The following KIF26B variants were observed in gnomAD, a reference collection of about 807,000 sequenced individuals.
The protein encoded by KIF26B is kinesin family member 26B, also known as kinesin-like protein KIF26B.
Under a neutral mutation model 151.2 loss-of-function variants are expected in KIF26B, and 63 were observed. The ratio of observed to expected loss-of-function variants is 0.42; its 90% CI spans 0.34 to 0.51. KIF26B has a LOEUF of 0.51. KIF26B is among the 20% of genes least tolerant of loss of function. KIF26B has a pLI of 0.07. For missense variants in KIF26B, 2,813 were observed against 2,913.6 expected (o/e 0.97, Z 0.79); for synonymous variants, 1,357 against 1,262.1 (o/e 1.08, Z -1.59).
chr1:245,253,812 T>G (rs1670484980), intron 2 of KIF26B, among the ~76,000 whole-genome samples: 1 of 138,282 alleles, frequency 7.2e-6, no homozygotes, highest in African/African-American at 2.7e-5. Context: ...TTTTTTTTTT[T>G]TTTTTTTTTT....
chr1:245,565,015 C>T (rs985934403), intron 5 of KIF26B, among the ~76,000 whole-genome samples: 3 of 152,128 alleles, frequency 2.0e-5, no homozygotes, highest in Admixed American at 2.0e-4. Context: ...GGGAGCCCTG[C>T]TCTGTTACAG....
At chr1:245,326,545 T>A (rs1295363460) in intron 2 of KIF26B, among the ~76,000 whole-genome samples, 1 of 152,194 alleles carries the variant, frequency 6.6e-6, no homozygotes, top group Non-Finnish European at 1.5e-5. Flanking sequence ...TCCATTTCTG[T>A]GGCCTCATCA....
chr1:245,696,274 G>T (rs551395395), intron 12 of KIF26B, among the ~76,000 whole-genome samples: 1 of 152,222 alleles, frequency 6.6e-6, no homozygotes, highest in Admixed American at 6.5e-5. Context: ...GATGCCAGCT[G>T]CCATGTCATA....
Position 245,498,078 on chromosome 1 carries a change from T to C in KIF26B, c.1167-42689T>C, listed in dbSNP as rs552604002. Among the ~76,000 whole-genome samples, 4 of 152,366 alleles carry C rather than the reference T, an allele frequency of 2.6e-5. No homozygotes were observed. In the East Asian group the frequency reaches 7.7e-4, roughly 29 times the overall value. ...GTAACTTGCAGTTGATTTTTCAACA[T>C]TCAAACATCATTTATTATTATCCAT... On this transcript the variant is annotated intron_variant, in intron 4 of 14. Transcript: ENST00000407071.
chr1:245,394,688 C>CTTTT (rs900497785), intron 3 of KIF26B, among the ~76,000 whole-genome samples: 51 of 123,136 alleles, frequency 4.1e-4, no homozygotes, highest in East Asian at 6.9e-4. Flanking sequence ...TTTTTTCTTT[C>CTTTT]TTTTTTTTTT....
At chr1:245,234,953 C>T (rs2103557061) in intron 2 of KIF26B, among the ~76,000 whole-genome samples, 1 of 152,256 alleles carries the variant, frequency 6.6e-6, no homozygotes, top group South Asian at 2.1e-4. Context: ...CTCCTGGCCT[C>T]CTGCCCCTGT....
At chr1:245,394,822 C>G (rs529415850) in intron 3 of KIF26B, among the ~76,000 whole-genome samples, 2 of 151,656 alleles carry the variant, frequency 1.3e-5, no homozygotes, top group Admixed American at 1.3e-4. Context: ...TCCCGAGTAG[C>G]TGATATTACA....
chr1:245,349,042 C>T (rs1254463088), intron 2 of KIF26B, among the ~76,000 whole-genome samples: 1 of 152,170 alleles, frequency 6.6e-6, no homozygotes, highest in Non-Finnish European at 1.5e-5. Flanking sequence ...CCTGTGTGTG[C>T]TTGTTTACTG....
chr1:245,565,040 T>C (rs1293808618), intron 5 of KIF26B, among the ~76,000 whole-genome samples: 2 of 152,116 alleles, frequency 1.3e-5, no homozygotes, highest in African/African-American at 2.4e-5. Context: ...CAAAATTTGT[T>C]ACGTAGGGAT....
intron 5 of KIF26B, among the ~76,000 whole-genome samples, chr1:245,574,867 T>G (rs2043102113): frequency 8.0e-6 from 1 of 124,610 alleles, no homozygotes; most frequent in South Asian, 2.9e-4. Context: ...TTTTTTTCTT[T>G]TTTTTTTTTT....
chr1:245,381,392 C>T (rs1334879358), intron 3 of KIF26B, among the ~76,000 whole-genome samples: 1 of 152,192 alleles, frequency 6.6e-6, no homozygotes, highest in Non-Finnish European at 1.5e-5. Context: ...GCTTGTCCAA[C>T]CCGCAGCCTG....
chr1:245,232,627 C>T (rs1354248907), intron 2 of KIF26B, among the ~76,000 whole-genome samples: 11 of 151,666 alleles, frequency 7.3e-5, no homozygotes, highest in Non-Finnish European at 1.0e-4. Context: ...CTCAGCTCAC[C>T]GCAACCTCTG....
chr1:245,345,378 CTG>C (rs1338801820), intron 2 of KIF26B, among the ~76,000 whole-genome samples: 1 of 152,202 alleles, frequency 6.6e-6, no homozygotes, highest in African/African-American at 2.4e-5. Context: ...CCTTGCGTCT[CTG>C]TTTATGCCTC....
rs150214624 is a variant in KIF26B, at chr1:245,167,085, G to A, written c.465+10402G>A. The stretch of plus-strand genomic sequence containing the variant: ...ATTGGAGTTTACGTTCAATACTGTT[G>A]CCAACCACAAAAAGTTATTGGAACA... On this transcript the variant is annotated intron_variant, in intron 2 of 14. Transcript: ENST00000407071. This position sits in a 1 kb window ranked among gnomAD's most constrained non-coding sequence, Gnocchi z 4.2. Among the ~76,000 whole-genome samples, 43 of 152,170 alleles carry A rather than the reference G, an allele frequency of 2.8e-4. 1 individual carries two copies. The highest frequency in any genetic ancestry group is 5.1e-4 in the Non-Finnish European group (35 of 68,000).
At chr1:245,291,038 A>G (rs1394419334) in intron 2 of KIF26B, among the ~76,000 whole-genome samples, 1 of 152,084 alleles carries the variant, frequency 6.6e-6, no homozygotes, top group African/African-American at 2.4e-5. Flanking sequence ...GTGATCTTTT[A>G]TCTTCCAGAA....
intron 2 of KIF26B, among the ~76,000 whole-genome samples, chr1:245,291,303 A>G (rs1196395533): frequency 2.0e-5 from 3 of 152,190 alleles, no homozygotes; most frequent in Non-Finnish European, 4.4e-5. Flanking sequence ...ATTTTTGCAA[A>G]CAATCTATTA....
intron 10 of KIF26B, among the ~76,000 whole-genome samples, chr1:245,658,500 C>T (rs2044099327): frequency 6.6e-6 from 1 of 152,146 alleles, no homozygotes; most frequent in Non-Finnish European, 1.5e-5. Flanking sequence ...AAGTGATCCT[C>T]CCACCTCAGC....
rs1668407637 is a variant in KIF26B at position 245,155,312 on chromosome 1, G to A, written c.-113G>A. On this transcript the variant is annotated 5_prime_UTR_variant, in exon 1 of 15. Coordinates refer to ENST00000407071, the MANE Select transcript of KIF26B (RefSeq NM_018012.4). ...CCCACCCCACCGCTGAAGAAACCTT[G>A]CCCTGAGGGCTGAGAGCCAGCCCCC... 1.2e-6 allele frequency: 1 copy of A among 816,450 alleles called. No individual in the cohort carries two copies. Among genetic ancestry groups the A allele is most frequent in the Non-Finnish European group, 2.0e-6 (1 of 493,230 alleles). 50.6% of individuals were successfully genotyped at this position (816,450 alleles called of 1,614,324 possible).
intron 2 of KIF26B, 116 bp downstream of exon 2, chr1:245,156,799 C>T (rs1351316959): frequency 6.7e-6 from 4 of 596,098 alleles, no homozygotes; most frequent in African/African-American, 5.9e-5. Flanking sequence ...CGAGAGCCCC[C>T]GGCGGCGCTG....
Sources: allele counts gnomAD v4.1 joint callset (sites outside exome capture counted in the v4.1 genomes callset), GRCh38; gene constraint gnomAD v4.1.1; non-coding constraint Gnocchi (gnomAD v3.1); transcripts MANE v1.5; gene names NCBI Gene and HGNC (gene_info 2026-07-23, HGNC 2026-07-21).